The following GLIS3 variants were observed in gnomAD, a reference collection of about 807,000 sequenced individuals.
The protein encoded by GLIS3 is zinc finger protein GLIS3.
In GLIS3, 53 loss-of-function variants were observed where a neutral mutation model predicts 78.6. That is an observed-to-expected ratio of 0.67 (90% CI 0.54 to 0.85). The LOEUF (loss-of-function observed/expected upper bound fraction) is 0.85. Ranked by LOEUF, GLIS3 falls within the 40% of genes least tolerant of loss-of-function variation. The pLI, the probability that GLIS3 is intolerant of heterozygous loss-of-function variation, is 0.00. For synonymous variants in GLIS3, 684 were observed against 509.9 expected, an observed-to-expected ratio of 1.34 and a Z score of -4.60; for missense variants, 1,703 against 1,231.1, an observed-to-expected ratio of 1.38 and a Z score of -5.74.
chr9:4,343,228 G>A (rs1235241550), intron 2 of GLIS3, among the ~76,000 whole-genome samples: 2 of 152,084 alleles, frequency 1.3e-5, no homozygotes, highest in African/African-American at 4.8e-5. Context: ...TGTGGTCCCA[G>A]CTACTTGAAA....
intron 2 of GLIS3, among the ~76,000 whole-genome samples, chr9:4,321,877 G>A (rs1299044074): frequency 6.6e-6 from 1 of 151,848 alleles, no homozygotes; most frequent in Non-Finnish European, 1.5e-5. Context: ...CCCGATAATT[G>A]TTTTCATTTT....
the GLIS3 span, among the ~76,000 whole-genome samples, chr9:4,481,094 G>C: frequency 1.3e-5 from 2 of 152,122 alleles, 1 homozygote; most frequent in South Asian, 4.1e-4. Context: ...GGGCTCAACT[G>C]ATCCTCCCAA....
intron 2 of GLIS3, among the ~76,000 whole-genome samples, chr9:4,166,639 C>A (rs184832248): frequency 3.3e-5 from 5 of 152,280 alleles, no homozygotes; most frequent in African/African-American, 7.2e-5. Flanking sequence ...CAAGTGGCCA[C>A]TAACGTCCCT....
chr9:3,907,425 C>T (rs1823784941), intron 6 of GLIS3, among the ~76,000 whole-genome samples: 1 of 152,078 alleles, frequency 6.6e-6, no homozygotes, highest in Non-Finnish European at 1.5e-5. Flanking sequence ...AATTTACTTT[C>T]CTAATGGAGA....
the GLIS3 span, among the ~76,000 whole-genome samples, chr9:4,397,049 A>G: frequency 5.1e-5 from 7 of 137,450 alleles, no homozygotes; most frequent in Non-Finnish European, 6.1e-5. Flanking sequence ...TTTTTGAGAA[A>G]GAGTCTCGCT....
the GLIS3 span, among the ~76,000 whole-genome samples, chr9:4,412,577 A>G: frequency 1.3e-5 from 2 of 152,330 alleles, no homozygotes; most frequent in African/African-American, 4.8e-5. Context: ...TATCCCCAGA[A>G]ACTAGGATGG....
chr9:3,921,188 T>C (rs1184766575), intron 6 of GLIS3, among the ~76,000 whole-genome samples: 1 of 152,196 alleles, frequency 6.6e-6, no homozygotes, highest in Non-Finnish European at 1.5e-5. Context: ...TGAGGACAGT[T>C]GAAATTGTAT....
intron 2 of GLIS3, among the ~76,000 whole-genome samples, chr9:4,273,604 T>TAAAA (rs1329230991): frequency 1.1e-5 from 1 of 91,298 alleles, no homozygotes; most frequent in Non-Finnish European, 2.6e-5. Context: ...AATAAATAAA[T>TAAAA]AAATAAATAA....
At chr9:3,844,702 G>T (rs1290606889) in intron 9 of GLIS3, among the ~76,000 whole-genome samples, 1 of 152,172 alleles carries the variant, frequency 6.6e-6, no homozygotes, top group Non-Finnish European at 1.5e-5. Flanking sequence ...GACACAGCTT[G>T]ACTGACAGGG....
intron 2 of GLIS3, among the ~76,000 whole-genome samples, chr9:4,271,131 T>C (rs1001436036): frequency 1.3e-5 from 2 of 152,158 alleles, no homozygotes; most frequent in Non-Finnish European, 2.9e-5. Context: ...ACAGTAAATA[T>C]ATTTTTCTTA....
At chr9:4,043,887 T>A (rs370309416) in intron 4 of GLIS3, among the ~76,000 whole-genome samples, 9 of 152,150 alleles carry the variant, frequency 5.9e-5, no homozygotes, top group Admixed American at 1.3e-4. Flanking sequence ...AAGTCTTGGG[T>A]TGGGGGCTCC....
the GLIS3 span, among the ~76,000 whole-genome samples, chr9:4,373,946 G>T: frequency 6.6e-6 from 1 of 152,126 alleles, no homozygotes; most frequent in Non-Finnish European, 1.5e-5. Flanking sequence ...GATTACAGGT[G>T]TGAGCCACCG....
chr9:4,133,837 C>G (rs1833164274), intron 2 of GLIS3, among the ~76,000 whole-genome samples: 2 of 52,154 alleles, frequency 3.8e-5, no homozygotes, highest in African/African-American at 1.5e-4. Context: ...CACACACACA[C>G]ACACACACAC....
chr9:3,847,057 G>A (rs1331389720), intron 9 of GLIS3, among the ~76,000 whole-genome samples: 1 of 152,130 alleles, frequency 6.6e-6, no homozygotes, highest in Non-Finnish European at 1.5e-5. Flanking sequence ...AGTGGCAAGC[G>A]CCTGTAATCT....
the GLIS3 span, among the ~76,000 whole-genome samples, chr9:4,366,992 T>A: frequency 5.9e-5 from 9 of 152,232 alleles, no homozygotes; most frequent in South Asian, 1.9e-3. Flanking sequence ...ATTCCGTGAA[T>A]GAAGGATGAG....
the GLIS3 span, among the ~76,000 whole-genome samples, chr9:4,434,283 T>C: frequency 6.6e-6 from 1 of 152,098 alleles, no homozygotes; most frequent in Admixed American, 6.6e-5. Flanking sequence ...CTGGTGTTAG[T>C]GGTAGTAGAA....
At chr9:4,289,055 G>C (rs950381520) in intron 1 of GLIS3, among the ~76,000 whole-genome samples, 2 of 151,874 alleles carry the variant, frequency 1.3e-5, no homozygotes, top group Admixed American at 1.3e-4. Context: ...AGTCTCCTTG[G>C]TAACAAAAAA....
intron 4 of GLIS3, among the ~76,000 whole-genome samples, chr9:3,967,782 A>G (rs1403733924): frequency 2.6e-5 from 4 of 152,218 alleles, no homozygotes. Context: ...TTCTGTAAGG[A>G]AAATCATATA....
intron 2 of GLIS3, among the ~76,000 whole-genome samples, chr9:4,319,380 C>G (rs1452712313): frequency 1.3e-5 from 2 of 152,142 alleles, no homozygotes; most frequent in African/African-American, 4.8e-5. Context: ...ATGTTAACAA[C>G]TGGTGAATCT....
Sources: allele counts gnomAD v4.1 joint callset (sites outside exome capture counted in the v4.1 genomes callset), GRCh38; gene constraint gnomAD v4.1.1; transcripts MANE v1.5; gene names NCBI Gene and HGNC (gene_info 2026-07-23, HGNC 2026-07-21).